The following HDAC4 variants were observed in gnomAD, a reference collection of about 807,000 sequenced individuals.
The protein encoded by HDAC4 is histone deacetylase A.
HDAC4 carries 16 observed loss-of-function variants against 135.1 expected under a neutral mutation model. The ratio of observed to expected loss-of-function variants is 0.12; its 90% CI spans 0.08 to 0.18. HDAC4 has a LOEUF of 0.18. Ranked by LOEUF, HDAC4 falls within the 10% of genes least tolerant of loss-of-function variation. HDAC4 has a pLI of 1.00. For synonymous variants in HDAC4, 685 were observed against 653.4 expected, an observed-to-expected ratio of 1.05 and a Z score of -0.74; for missense variants, 1,143 against 1,511.8, an observed-to-expected ratio of 0.76 and a Z score of 4.05.
intron 23 of HDAC4, among the ~76,000 whole-genome samples, chr2:239,067,866 C>T (rs558087661): frequency 2.0e-5 from 3 of 152,322 alleles, no homozygotes; most frequent in African/African-American, 7.2e-5. Flanking sequence ...ACCAAGGCCA[C>T]AGGATGCTTG....
chr2:239,053,415 T>C (rs992289919), intron 26 of HDAC4, 45 bp downstream of exon 26: 13 of 1,602,738 alleles, frequency 8.1e-6, no homozygotes, highest in African/African-American at 6.7e-5. Flanking sequence ...GTGGGCACAG[T>C]GGGGCTGGGT....
chr2:239,187,481 A>G (rs920467277), intron 4 of HDAC4, among the ~76,000 whole-genome samples: 3 of 152,240 alleles, frequency 2.0e-5, no homozygotes, highest in African/African-American at 7.2e-5. Flanking sequence ...GGCAGGCTGC[A>G]GGGATTGCCT....
At chr2:239,342,985 A>G (rs997027920) in intron 2 of HDAC4, among the ~76,000 whole-genome samples, 7 of 152,188 alleles carry the variant, frequency 4.6e-5, no homozygotes, top group African/African-American at 1.7e-4. Context: ...GTTTTCCTAA[A>G]AAGGGGGAAG....
At chr2:239,344,461 C>G (rs1692489544) in intron 2 of HDAC4, among the ~76,000 whole-genome samples, 1 of 152,116 alleles carries the variant, frequency 6.6e-6, no homozygotes, top group African/African-American at 2.4e-5. Flanking sequence ...GCTCCATTGA[C>G]AGCGAATTTT....
At chr2:239,209,040 C>A (rs2046221596) in intron 3 of HDAC4, among the ~76,000 whole-genome samples, 1 of 152,138 alleles carries the variant, frequency 6.6e-6, no homozygotes. Flanking sequence ...TCACGCATGG[C>A]TAGTTTACGT....
At chr2:239,075,141 A>G (rs1302733324) in intron 22 of HDAC4, among the ~76,000 whole-genome samples, 7 of 143,050 alleles carry the variant, frequency 4.9e-5, no homozygotes, top group Non-Finnish European at 7.5e-5. Context: ...GGAGAATGGC[A>G]TGAACCTGGG....
rs561798054 is a variant in HDAC4, at chr2:239,209,636, C to T, written c.95-19559G>A. Among the ~76,000 whole-genome samples, 9 of 152,282 alleles carry T rather than the reference C, an allele frequency of 5.9e-5. No individual in the cohort carries two copies. The South Asian group carries it at 1.0e-3, about 18-fold the overall frequency. On this transcript the variant is annotated intron_variant, in intron 3 of 26. Transcript: ENST00000543185. ...CTCAAGATGTGAAAAGTGCTTCTTACGACAAAATATGACGTTGTTACATCT... is the reference window on the plus strand; with the variant it reads ...CTCAAGATGTGAAAAGTGCTTCTTATGACAAAATATGACGTTGTTACATCT...
At position 239,245,471 on chromosome 2, in the gene HDAC4, A is replaced by G. The variant is rs2048410400; in HGVS notation, c.23-8807T>C. On this transcript the variant is annotated intron_variant, in intron 2 of 26. Coordinates refer to ENST00000543185, the MANE Select transcript of HDAC4 (RefSeq NM_001378414.1). The surrounding 1 kb of genome is among the most constrained non-coding windows in gnomAD (Gnocchi z 4.4). Reference sequence around the variant, plus strand: ...TAAAAATTAAACATCGTTTGGGTATAAGATGATATGTAGGAATCATGATTC... The same window carrying G: ...TAAAAATTAAACATCGTTTGGGTATGAGATGATATGTAGGAATCATGATTC... Among the ~76,000 whole-genome samples the G allele has an allele frequency of 6.6e-6, 1 of 152,340 alleles. No individual in the cohort carries two copies. The highest frequency in any genetic ancestry group is 2.4e-5 in the African/African-American group (1 of 41,582).
intron 12 of HDAC4, among the ~76,000 whole-genome samples, chr2:239,119,980 GAA>G (rs2039495154): frequency 1.7e-5 from 1 of 57,448 alleles, no homozygotes; most frequent in Non-Finnish European, 5.4e-5. Context: ...AAGTGCCAGA[GAA>G]GGCAGTGGGG....
chr2:239,125,923 G>A (rs1033080356), intron 12 of HDAC4, among the ~76,000 whole-genome samples: 2 of 152,322 alleles, frequency 1.3e-5, no homozygotes, highest in Non-Finnish European at 1.5e-5. Flanking sequence ...AACTGCACCC[G>A]GGCCCCCCGG....
chr2:239,240,216 A>G lies in HDAC4; in HGVS notation c.23-3552T>C, dbSNP rs756973720. Among the ~76,000 whole-genome samples, 7 of 152,260 alleles carry G rather than the reference A, an allele frequency of 4.6e-5. No individual in the cohort carries two copies. The highest frequency in any genetic ancestry group is 7.3e-5 in the Non-Finnish European group (5 of 68,048). Reference sequence around the variant, plus strand: ...GCAGGGGCCACCAGGCCTGGGAAAGACAGCTTTGGAACGGACCTAAACAAA... The same window carrying G: ...GCAGGGGCCACCAGGCCTGGGAAAGGCAGCTTTGGAACGGACCTAAACAAA... On this transcript the variant is annotated intron_variant, in intron 2 of 26. Coordinates refer to ENST00000543185, the MANE Select transcript of HDAC4 (RefSeq NM_001378414.1). The surrounding 1 kb of genome is among the most constrained non-coding windows in gnomAD (Gnocchi z 4.5).
chr2:239,387,388 G>A (rs1032185746), intron 1 of HDAC4, among the ~76,000 whole-genome samples: 1 of 152,178 alleles, frequency 6.6e-6, no homozygotes, highest in Non-Finnish European at 1.5e-5. Flanking sequence ...CCACAGGGCC[G>A]GCCGCCACCA....
At chr2:239,182,707 C>T (rs1008348101) in intron 4 of HDAC4, among the ~76,000 whole-genome samples, 5 of 152,316 alleles carry the variant, frequency 3.3e-5, no homozygotes, top group South Asian at 2.1e-4. Context: ...TTTCAACACT[C>T]CCTGTTCATA....
At chr2:239,312,348 A>G (rs934909038) in intron 2 of HDAC4, among the ~76,000 whole-genome samples, 1 of 152,184 alleles carries the variant, frequency 6.6e-6, no homozygotes, top group African/African-American at 2.4e-5. Flanking sequence ...TGCCGCCAAG[A>G]GGCCTGCTGC....
chr2:239,079,098 G>A (rs934354778), intron 22 of HDAC4, among the ~76,000 whole-genome samples: 9 of 152,130 alleles, frequency 5.9e-5, no homozygotes, highest in Non-Finnish European at 1.0e-4. Flanking sequence ...TCTCTGGGGT[G>A]ACAACTAAGT....
intron 1 of HDAC4, among the ~76,000 whole-genome samples, chr2:239,374,388 T>C (rs890158297): frequency 9.6e-4 from 12 of 12,522 alleles, no homozygotes; most frequent in African/African-American, 5.1e-3. Context: ...AAACAAGGCT[T>C]TTTTTTTTTT....
intron 2 of HDAC4, chr2:239,298,195 A>G: frequency 7.8e-7 from 1 of 1,289,008 alleles, no homozygotes; most frequent in Non-Finnish European, 1.0e-6. Flanking sequence ...AGCTCAGGGA[A>G]CAGCAGAGGC....
intron 2 of HDAC4, among the ~76,000 whole-genome samples, chr2:239,291,091 T>C (rs754499659): frequency 3.0e-4 from 45 of 152,326 alleles, no homozygotes; most frequent in Non-Finnish European, 5.1e-4. Flanking sequence ...ACGGCAGGTT[T>C]TACCAAGCAC....
chr2:239,224,817 T>G (rs951100883), intron 3 of HDAC4, among the ~76,000 whole-genome samples: 2 of 152,228 alleles, frequency 1.3e-5, no homozygotes, highest in Non-Finnish European at 2.9e-5. Context: ...AGTCCTTGAC[T>G]GCTCACTCTC....
Sources: gnomAD v4.1 joint callset for allele counts (sites outside exome capture counted in the v4.1 genomes callset) on GRCh38, gnomAD v4.1.1 for gene constraint, Gnocchi (gnomAD v3.1) non-coding constraint, MANE v1.5 for transcripts, NCBI Gene and HGNC (gene_info 2026-07-23, HGNC 2026-07-21) for gene names.